DPYD: variants seen among roughly 807,000 people sequenced by gnomAD.
DPYD encodes dihydropyrimidine dehydrogenase, also known as dihydropyrimidine dehydrogenase [NADP(+)].
DPYD carries 109 observed loss-of-function variants against 116.2 expected under a neutral mutation model. The observed-to-expected ratio is 0.94, with a 90% CI of 0.80 to 1.10. The LOEUF (loss-of-function observed/expected upper bound fraction) is 1.10. DPYD is among the 50% of genes least tolerant of loss of function. The pLI is 0.00. For missense variants in DPYD, 1,302 were observed against 1,254.5 expected, an observed-to-expected ratio of 1.04 and a Z score of -0.57; for synonymous variants, 440 against 432.0, an observed-to-expected ratio of 1.02 and a Z score of -0.23.
At chr1:97,716,455 C>T (rs1367268296) in intron 5 of DPYD, among the ~76,000 whole-genome samples, 2 of 151,908 alleles carry the variant, frequency 1.3e-5, no homozygotes, top group African/African-American at 2.4e-5. Flanking sequence ...GAGCTCCAAA[C>T]CCTGCCAAAA....
At chr1:97,652,541 G>A (rs1658647189) in intron 8 of DPYD, among the ~76,000 whole-genome samples, 1 of 152,062 alleles carries the variant, frequency 6.6e-6, no homozygotes, top group Non-Finnish European at 1.5e-5. Flanking sequence ...ATTTGTGCAG[G>A]AGAATTTTCC....
At chr1:97,618,787 A>G (rs1557840918) in intron 8 of DPYD, among the ~76,000 whole-genome samples, 2 of 152,174 alleles carry the variant, frequency 1.3e-5, no homozygotes, top group South Asian at 2.1e-4. Context: ...TTCAAAACCA[A>G]CAGTTTCAAC....
In DPYD at chr1:97,857,584, T is replaced by G. The variant is rs1670908701; in HGVS notation, c.150+25680A>C. On this transcript the variant is annotated intron_variant, in intron 2 of 22. Coordinates refer to ENST00000370192, the MANE Select transcript of DPYD (RefSeq NM_000110.4). ...ACATAGCTGACCACATACAGTTTCA[T>G]GGAGGGTGGTGTTCCCGAGGGCATG... Among the ~76,000 whole-genome samples the G allele has an allele frequency of 5.9e-5, 9 of 152,182 alleles. No homozygotes were observed. The South Asian group carries it at 1.9e-3, about 32-fold the overall frequency.
In DPYD at chr1:97,769,549, T is replaced by C. The variant is rs549509681; in HGVS notation, c.234-29070A>G. Among the ~76,000 whole-genome samples, 11 of 152,304 alleles carry C rather than the reference T, an allele frequency of 7.2e-5. No individual in the cohort carries two copies. The South Asian group carries it at 2.3e-3, about 32-fold the overall frequency. The stretch of plus-strand genomic sequence containing the variant: ...CAGTTTCGTTTCACTCTAAACATTT[T>C]CAAAGAGTAGGACAAGATCTCAGAA... On this transcript the variant is annotated intron_variant, in intron 3 of 22. Coordinates refer to ENST00000370192, the MANE Select transcript of DPYD (RefSeq NM_000110.4).
intron 3 of DPYD, chr1:97,797,012 A>G (rs1667604706): frequency 6.6e-6 from 1 of 152,162 alleles, no homozygotes; most frequent in Non-Finnish European, 1.5e-5. Context: ...GGCTTACCAA[A>G]AGAGGTCTCT....
chr1:97,856,819 T>A (rs1471771039), intron 2 of DPYD: 1 of 152,252 alleles, frequency 6.6e-6, no homozygotes, highest in Non-Finnish European at 1.5e-5. Flanking sequence ...AGGTCCTCCA[T>A]AAGCGCAAAA....
At chr1:97,460,480 G>T (rs920652399) in intron 13 of DPYD, among the ~76,000 whole-genome samples, 17 of 152,064 alleles carry the variant, frequency 1.1e-4, no homozygotes, top group Non-Finnish European at 1.6e-4. Context: ...TGATTTAGAG[G>T]CATTGGGGCT....
chr1:97,461,959 C>T (rs1171726362), intron 13 of DPYD, among the ~76,000 whole-genome samples: 2 of 152,184 alleles, frequency 1.3e-5, no homozygotes, highest in Non-Finnish European at 2.9e-5. Context: ...AACAAGTAAA[C>T]TGAAGGACAT....
At chr1:97,724,300 GGGGGGGGGTGT>G (rs1663095808) in intron 4 of DPYD, among the ~76,000 whole-genome samples, 2 of 15,048 alleles carry the variant, frequency 1.3e-4, no homozygotes, top group African/African-American at 5.2e-4. Flanking sequence ...ATGTGGGGGG[GGGGGGGGGTGT>G]GTGTGTGTGT....
chr1:97,254,677 C>T (rs1251770279), intron 18 of DPYD, among the ~76,000 whole-genome samples: 1 of 152,056 alleles, frequency 6.6e-6, no homozygotes, highest in African/African-American at 2.4e-5. Context: ...ATGACACATC[C>T]CTGTATAAAA....
At chr1:97,352,060 A>C (rs764897008) in intron 16 of DPYD, among the ~76,000 whole-genome samples, 1 of 152,170 alleles carries the variant, frequency 6.6e-6, no homozygotes, top group Admixed American at 6.5e-5. Context: ...TTTGGTATTC[A>C]CTGCCAAGGA....
chr1:97,610,607 T>C (rs1431633224), intron 8 of DPYD, among the ~76,000 whole-genome samples: 5 of 152,028 alleles, frequency 3.3e-5, no homozygotes, highest in African/African-American at 1.2e-4. Flanking sequence ...GTGTACGCGA[T>C]GGGTTAAAAA....
chr1:97,581,583 T>C (rs74358200), intron 10 of DPYD, among the ~76,000 whole-genome samples: 1 of 150,868 alleles, frequency 6.6e-6, no homozygotes, highest in Non-Finnish European at 1.5e-5. Context: ...CTCTACTAAA[T>C]TTTTTTTAAA....
intron 18 of DPYD, among the ~76,000 whole-genome samples, chr1:97,237,244 A>C (rs1299625847): frequency 1.0e-5 from 1 of 96,740 alleles, no homozygotes; most frequent in Non-Finnish European, 2.2e-5. Flanking sequence ...TCTGTCTCAA[A>C]AAAAAAAAAA....
At position 97,699,443 on chromosome 1, in the gene DPYD, C is replaced by T; in HGVS notation, c.588G>A (p.Gly196=). The change falls in exon 6 of 23, where the codon GGG becomes GGA. Residue 196 remains glycine (G), a synonymous_variant. Transcript: ENST00000370192. ...YSAKIALFGA[G]PASISCASFL... The stretch of plus-strand genomic sequence containing the variant: ...AGGAAGCACAACTTATACTTGCAGG[C>T]CCAGCACCAAAAAGAGCAATCTTTG... 1.2e-6 allele frequency: 2 copies of T among 1,613,640 alleles called. No homozygotes were observed. The highest frequency in any genetic ancestry group is 1.7e-6 in the Non-Finnish European group (2 of 1,179,690).
chr1:97,740,597 A>T, intron 3 of DPYD, 118 bp from the exon 4 acceptor site: 1 of 893,838 alleles, frequency 1.1e-6, no homozygotes, highest in Non-Finnish European at 1.8e-6. Context: ...TATCATTTTT[A>T]GGTACAAAAC....
chr1:97,891,601 C>T (rs1672779539), intron 1 of DPYD, among the ~76,000 whole-genome samples: 1 of 151,766 alleles, frequency 6.6e-6, no homozygotes, highest in Non-Finnish European at 1.5e-5. Flanking sequence ...TAGAATTATA[C>T]ATCTAAAGAG....
chr1:97,920,819 G>T, intron 1 of DPYD, 65 bp downstream of exon 1: 1 of 1,552,804 alleles, frequency 6.4e-7, no homozygotes, highest in South Asian at 1.2e-5. Context: ...GGCCTCCCCG[G>T]CACCTACCCG....
chr1:97,106,722 A>G (rs114098981), intron 20 of DPYD, among the ~76,000 whole-genome samples: 1,989 of 152,222 alleles, frequency 0.013, 41 homozygotes, highest in African/African-American at 0.045. Context: ...GCTGAATTAC[A>G]CTACAAGCTT....
Sources: allele counts gnomAD v4.1 joint callset (sites outside exome capture counted in the v4.1 genomes callset), GRCh38; gene constraint gnomAD v4.1.1; transcripts MANE v1.5; gene names NCBI Gene and HGNC (gene_info 2026-07-23, HGNC 2026-07-21).